NDUFAF7: variants seen among roughly 807,000 people sequenced by gnomAD.
NDUFAF7 encodes the protein NADH:ubiquinone oxidoreductase complex assembly factor 7, also known as protein arginine methyltransferase NDUFAF7, mitochondrial.
A neutral mutation model predicts 47.2 loss-of-function variants in NDUFAF7; 48 were observed. The ratio of observed to expected loss-of-function variants is 1.02; its 90% CI spans 0.81 to 1.29. NDUFAF7 has a LOEUF of 1.29. NDUFAF7 is among the 50% of genes most tolerant of loss of function. The pLI is 0.00. For synonymous variants in NDUFAF7, 217 were observed against 190.0 expected (o/e 1.14, Z -1.17); for missense variants, 635 against 537.6 (o/e 1.18, Z -1.79).
the NDUFAF7 span, chr2:37,269,521 A>G: frequency 8.8e-7 from 1 of 1,138,792 alleles, no homozygotes; most frequent in African/African-American, 1.5e-5. Flanking sequence ...GGCACTGGAC[A>G]AAACTATGAG....
chr2:37,232,055 C>T (rs770532499), intron 1 of NDUFAF7, 51 bp from the exon 2 acceptor site: 5 of 1,613,654 alleles, frequency 3.1e-6, no homozygotes, highest in African/African-American at 1.3e-5. Flanking sequence ...GGCTTGCGCT[C>T]GTGAATGGTC....
chr2:37,263,101 ATTC>A, the NDUFAF7 span, among the ~76,000 whole-genome samples: 1 of 151,848 alleles, frequency 6.6e-6, no homozygotes, highest in Non-Finnish European at 1.5e-5. Flanking sequence ...TTTATTGTTC[ATTC>A]TTCAACTCCT....
At chr2:37,256,655 T>TACA (rs2148481733), downstream of NDUFAF7, 1 of 1,342,228 alleles carries the variant, frequency 7.5e-7, no homozygotes, top group Non-Finnish European at 9.7e-7. Flanking sequence ...TTTTTTTTTT[T>TACA]TTTTACCTTC....
chr2:37,242,788 T>G, intron 6 of NDUFAF7, 95 bp downstream of exon 6: 2 of 956,446 alleles, frequency 2.1e-6, no homozygotes, highest in Non-Finnish European at 3.1e-6. Flanking sequence ...CAAATTTTAC[T>G]TGTTGAGGTT....
chr2:37,259,052 G>GA, the NDUFAF7 span, among the ~76,000 whole-genome samples: 36 of 148,688 alleles, frequency 2.4e-4, no homozygotes, highest in African/African-American at 5.0e-4. Context: ...TGAACACTTG[G>GA]AAAAAAAAAA....
intron 8 of NDUFAF7, 46 bp from the exon 9 acceptor site, chr2:37,247,405 TTAATC>T: frequency 6.3e-7 from 1 of 1,591,298 alleles, no homozygotes; most frequent in Non-Finnish European, 8.6e-7. Flanking sequence ...TAGCATTTCT[TTAATC>T]TTAATAACCA....
At chr2:37,263,868 A>G in the NDUFAF7 span, among the ~76,000 whole-genome samples, 2 of 152,154 alleles carry the variant, frequency 1.3e-5, no homozygotes, top group Non-Finnish European at 2.9e-5. Context: ...ACTTCTGTTA[A>G]TCATTTTTCT....
chr2:37,255,983 C>G (rs1165771578), downstream of NDUFAF7, among the ~76,000 whole-genome samples: 1 of 152,076 alleles, frequency 6.6e-6, no homozygotes, highest in East Asian at 1.9e-4. Context: ...ACACTTCAGC[C>G]TGGGTGACAG....
chr2:37,241,796 TTA>T lies in NDUFAF7; in HGVS notation c.622+6_622+7del. The T allele has an allele frequency of 6.2e-7, 1 of 1,611,810 alleles. No individual in the cohort carries two copies. The highest frequency in any genetic ancestry group is 8.5e-7 in the Non-Finnish European group (1 of 1,179,276). ...ATCTGCACGATGTTCCAAAAGGTAA[TTA>T]CCTTTATGTGGATTAATGAAAGAAT... On this transcript the variant is annotated splice_donor_region_variant and intron_variant, in intron 5 of 9. Coordinates refer to ENST00000002125, the MANE Select transcript of NDUFAF7 (RefSeq NM_144736.5).
At chr2:37,261,476 G>C in the NDUFAF7 span, among the ~76,000 whole-genome samples, 4 of 144,260 alleles carry the variant, frequency 2.8e-5, no homozygotes, top group Admixed American at 2.8e-4. Context: ...GACAGAGCGA[G>C]ACTTTGTCTC....
intron 1 of NDUFAF7, 158 bp downstream of exon 1, chr2:37,231,918 A>G: frequency 2.5e-6 from 4 of 1,590,754 alleles, no homozygotes; most frequent in Middle Eastern, 2.3e-4. Flanking sequence ...CAAACGCAAT[A>G]GGGCTGCGTA....
chr2:37,264,784 A>G, the NDUFAF7 span, among the ~76,000 whole-genome samples: 1 of 152,158 alleles, frequency 6.6e-6, no homozygotes, highest in African/African-American at 2.4e-5. Flanking sequence ...TATTGTCTGC[A>G]GTGGGATCTT....
the NDUFAF7 span, among the ~76,000 whole-genome samples, chr2:37,269,885 T>C: frequency 1.3e-5 from 2 of 152,246 alleles, no homozygotes; most frequent in Non-Finnish European, 2.9e-5. Flanking sequence ...TGTGCAAGTA[T>C]AATGTATTGT....
At chr2:37,254,414 C>T (rs186960521), downstream of NDUFAF7, 107 of 677,176 alleles carry the variant, frequency 1.6e-4, 1 homozygote, top group East Asian at 1.1e-3. Context: ...TTCTCAAGGA[C>T]GTGGACTTTT....
chr2:37,255,768 G>C (rs1667881743), downstream of NDUFAF7, among the ~76,000 whole-genome samples: 1 of 152,162 alleles, frequency 6.6e-6, no homozygotes, highest in Non-Finnish European at 1.5e-5. Flanking sequence ...CACTTTGGGA[G>C]GTCAAGTTGG....
chr2:37,242,622 T>G lies in NDUFAF7; in HGVS notation c.623-13T>G. On this transcript the variant is annotated splice_polypyrimidine_tract_variant and intron_variant, in intron 5 of 9. Transcript: ENST00000002125. ...AATGTGGAAACATTAATTGTTTTCC[T>G]CTTTTTAAATAGGGTACAGCTTTTA... 3 of 1,566,870 alleles carry G rather than the reference T, an allele frequency of 1.9e-6. No homozygotes were observed. The highest frequency in any genetic ancestry group is 2.6e-6 in the Non-Finnish European group (3 of 1,137,866).
Position 37,241,662 on chromosome 2 carries a change from C to A in NDUFAF7, c.493C>A (p.Gln165Lys). ...VEVSQKLSEI[Q>K]ALTLTKEKVP... ...GGTAAGCCAAAAATTAAGTGAGATT[C>A]AAGCATTGACACTGACTAAAGAGAA... Residue 165 changes from glutamine to lysine, a missense_variant, in exon 5 of 10, where the codon CAA becomes AAA. Coordinates refer to ENST00000002125, the MANE Select transcript of NDUFAF7 (RefSeq NM_144736.5). The A allele has an allele frequency of 6.2e-7, 1 of 1,613,918 alleles. No homozygotes were observed. Among genetic ancestry groups the A allele is most frequent in the Non-Finnish European group, 8.5e-7 (1 of 1,179,980 alleles).
At chr2:37,254,252 C>T (rs1349143176), downstream of NDUFAF7, 1 of 1,613,494 alleles carries the variant, frequency 6.2e-7, no homozygotes, top group Admixed American at 1.7e-5. Flanking sequence ...AACGTTTTCT[C>T]ATCTTCACTT....
intron 3 of NDUFAF7, among the ~76,000 whole-genome samples, chr2:37,236,841 TAGAGTGCCCAGG>T (rs1281779052): frequency 3.4e-5 from 5 of 147,922 alleles, no homozygotes; most frequent in Non-Finnish European, 6.0e-5. Flanking sequence ...AGGAAAGAGG[TAGAGTGCCCAGG>T]AGAGTGCCCG....
Sources: gnomAD v4.1 joint callset for allele counts (sites outside exome capture counted in the v4.1 genomes callset) on GRCh38, gnomAD v4.1.1 for gene constraint, MANE v1.5 for transcripts, NCBI Gene and HGNC (gene_info 2026-07-23, HGNC 2026-07-21) for gene names.